Variants in COL6A5 observed in about 807,000 individuals in gnomAD.
The protein encoded by COL6A5 is collagen type VI alpha 5 chain.
In COL6A5, 48 loss-of-function variants were observed where a neutral mutation model predicts 65.6. That is an observed-to-expected ratio of 0.73 (90% CI 0.58 to 0.93). The LOEUF (loss-of-function observed/expected upper bound fraction) is 0.93, where lower values mean the gene tolerates loss of function less well. Ranked by LOEUF, COL6A5 falls within the 40% of genes least tolerant of loss-of-function variation. COL6A5 has a pLI of 0.00. For missense variants in COL6A5, 914 were observed against 928.3 expected (o/e 0.98, Z 0.20); for synonymous variants, 291 against 322.8 (o/e 0.90, Z 1.05).
In COL6A5 at chr3:130,455,478, A is replaced by AT; in HGVS notation, c.1362dup (p.Leu455PhefsTer4). On this transcript the variant is annotated frameshift_variant, in exon 5 of 8. Transcript: ENST00000512836. LOFTEE classifies it high-confidence loss of function. ...AGATTTGTTACTGAGCTACAAGAGG[A>AT]TTTTTTGGGAGGTAATGGCTTCATT... The AT allele has an allele frequency of 1.2e-6, 2 of 1,611,444 alleles. No homozygotes were observed. The highest frequency in any genetic ancestry group is 1.1e-5 in the South Asian group (1 of 90,950).
exon 5 of COL6A5, chr3:130,385,187 C>A (rs1475835869): frequency 2.6e-6 from 4 of 1,550,950 alleles, no homozygotes; most frequent in South Asian, 1.2e-5. Flanking sequence ...AGTCGTGGAA[C>A]CTGCTAAGAG....
At chr3:130,431,813 G>A (rs1937826184) in exon 1 of COL6A5, 2 of 1,551,500 alleles carry the variant, frequency 1.3e-6, no homozygotes, top group Non-Finnish European at 1.7e-6. Flanking sequence ...AACGTGAGGA[G>A]AGTTGCTGTG....
At chr3:130,414,559 A>G (rs1937283430) in intron 22 of COL6A5, among the ~76,000 whole-genome samples, 1 of 152,132 alleles carries the variant, frequency 6.6e-6, no homozygotes, top group Non-Finnish European at 1.5e-5. Context: ...GTATTTCTGA[A>G]ATATGACTGA....
At chr3:130,385,501 G>A in intron 5 of COL6A5, 137 bp downstream of exon 5, 2 of 908,168 alleles carry the variant, frequency 2.2e-6, no homozygotes, top group South Asian at 1.8e-5. Flanking sequence ...TACCATGGAG[G>A]GATTCAGCCC....
At chr3:130,370,858 A>T (rs1419816435) in intron 1 of COL6A5, among the ~76,000 whole-genome samples, 1 of 152,168 alleles carries the variant, frequency 6.6e-6, no homozygotes, top group African/African-American at 2.4e-5. Context: ...AAGACATGCA[A>T]AGTGGGAATT....
chr3:130,407,344 T>C (rs1559885034), intron 17 of COL6A5, among the ~76,000 whole-genome samples: 2 of 152,134 alleles, frequency 1.3e-5, no homozygotes, highest in Non-Finnish European at 2.9e-5. Flanking sequence ...AAGAGCTTGG[T>C]TTTTAACCGT....
At chr3:130,388,801 A>G (rs1259892558) in exon 6 of COL6A5, 18 of 1,551,306 alleles carry the variant, frequency 1.2e-5, no homozygotes, top group Non-Finnish European at 1.5e-5. Context: ...TTCTGATGCA[A>G]TAGATAGAAT....
chr3:130,471,831 T>C, intron 7 of COL6A5: 1 of 1,534,752 alleles, frequency 6.5e-7, no homozygotes, highest in East Asian at 2.4e-5. Context: ...TTATATCTGC[T>C]CTTTTCAACT....
upstream of COL6A5, among the ~76,000 whole-genome samples, chr3:130,428,851 G>A (rs1163331965): frequency 2.0e-5 from 3 of 152,220 alleles, no homozygotes; most frequent in Non-Finnish European, 4.4e-5. Context: ...CAGAAGGCTG[G>A]TGCGTTGCCA....
intron 29 of COL6A5, among the ~76,000 whole-genome samples, chr3:130,425,597 C>T (rs566677371): frequency 4.6e-5 from 7 of 152,200 alleles, no homozygotes; most frequent in African/African-American, 1.7e-4. Context: ...GGAAGTCTTC[C>T]CTGATTCAAC....
At chr3:130,353,345 C>T (rs1462975845) in intron 1 of COL6A5, among the ~76,000 whole-genome samples, 1 of 152,166 alleles carries the variant, frequency 6.6e-6, no homozygotes, top group Non-Finnish European at 1.5e-5. Flanking sequence ...TGCGAAAATA[C>T]TTCCACAAAG....
At chr3:130,368,374 C>G (rs1478037772) in intron 1 of COL6A5, among the ~76,000 whole-genome samples, 1 of 152,186 alleles carries the variant, frequency 6.6e-6, no homozygotes, top group Admixed American at 6.5e-5. Flanking sequence ...CTTTTAATCA[C>G]TTCCTCAGTA....
At chr3:130,356,619 C>T (rs1934934941) in intron 1 of COL6A5, among the ~76,000 whole-genome samples, 1 of 151,976 alleles carries the variant, frequency 6.6e-6, no homozygotes, top group South Asian at 2.1e-4. Flanking sequence ...AGAGTACAGA[C>T]TACATTCTCT....
intron 1 of COL6A5, among the ~76,000 whole-genome samples, chr3:130,357,949 G>C (rs536947113): frequency 9.2e-5 from 14 of 152,146 alleles, no homozygotes; most frequent in African/African-American, 1.4e-4. Context: ...CAGCACTTTC[G>C]GAGCCTGAGG....
chr3:130,391,683 T>C lies in COL6A5; in HGVS notation c.2921T>C (p.Val974Ala), dbSNP rs751310572. The stretch of plus-strand genomic sequence containing the variant: ...GGGAATAAAAACAATACTATCTATG[T>C]AGATAATTTTGACAAACTGAAAGAT... Residue 974 changes from valine to alanine, a missense_variant and NMD_transcript_variant, in exon 7 of 42, where the codon GTA (valine) becomes GCA (alanine). Val to Ala is a moderately conservative substitution (Grantham distance 64). Coordinates refer to the COL6A5 transcript ENST00000312481. 44 of 1,551,508 alleles carry C rather than the reference T, an allele frequency of 2.8e-5. 1 individual carries two copies. The South Asian group carries it at 4.8e-4, about 17-fold the overall frequency.
chr3:130,385,355 G>A lies in COL6A5; in HGVS notation c.1852G>A (p.Ala618Thr), dbSNP rs761356693. ...AAATGAAGTCGTTCGTGAAATCTGCGCTGAAAAAGGTAAGCAACACAAAAA... is the reference window on the plus strand; with the variant it reads ...AAATGAAGTCGTTCGTGAAATCTGCACTGAAAAAGGTAAGCAACACAAAAA... Residue 618 changes from alanine (A) to threonine (T), a missense_variant and NMD_transcript_variant, in exon 5 of 42, where the codon GCT becomes ACT. By Grantham distance (58) the Ala-to-Thr change is moderately conservative. Transcript: ENST00000312481. 3.2e-5 allele frequency: 50 copies of A among 1,549,196 alleles called. No homozygotes were observed. Among genetic ancestry groups the A allele is most frequent in the South Asian group, 1.9e-4 (16 of 83,804 alleles).
exon 1 of COL6A5, chr3:130,431,755 A>T: frequency 6.4e-7 from 1 of 1,551,608 alleles, no homozygotes; most frequent in Non-Finnish European, 8.7e-7. Context: ...TGGTAATGCA[A>T]TGAGGTTTGT....
chr3:130,415,902 G>T (rs1203512466), intron 23 of COL6A5, among the ~76,000 whole-genome samples, 195 bp downstream of exon 23: 1 of 152,006 alleles, frequency 6.6e-6, no homozygotes, highest in Non-Finnish European at 1.5e-5. Context: ...CCTTCACTGG[G>T]GTTTTACTCT....
chr3:130,411,030 A>G (rs1229038749), intron 20 of COL6A5, among the ~76,000 whole-genome samples: 4 of 152,202 alleles, frequency 2.6e-5, no homozygotes, highest in Non-Finnish European at 4.4e-5. Context: ...CATGTTGCCA[A>G]TGAGAAAGAG....
Sources: gnomAD v4.1 joint callset for allele counts (sites outside exome capture counted in the v4.1 genomes callset) on GRCh38, gnomAD v4.1.1 for gene constraint, MANE v1.5 for transcripts, NCBI Gene and HGNC (gene_info 2026-07-23, HGNC 2026-07-21) for gene names.